ROBO2: variants seen among roughly 807,000 people sequenced by gnomAD.
ROBO2 encodes roundabout guidance receptor 2.
In ROBO2, 53 loss-of-function variants were observed where a neutral mutation model predicts 160.8. The ratio of observed to expected loss-of-function variants is 0.33; its 90% CI spans 0.26 to 0.41. The LOEUF (loss-of-function observed/expected upper bound fraction) is 0.41. ROBO2 is among the 10% of genes least tolerant of loss of function. ROBO2 has a pLI of 1.00. For missense variants in ROBO2, 1,577 were observed against 1,722.4 expected (o/e 0.92, Z 1.49); for synonymous variants, 664 against 611.7 (o/e 1.09, Z -1.26).
intron 1 of ROBO2, among the ~76,000 whole-genome samples, chr3:77,087,594 T>G (rs1010948633): frequency 6.6e-6 from 1 of 152,106 alleles, no homozygotes; most frequent in African/African-American, 2.4e-5. Flanking sequence ...GAAGAGTAAT[T>G]TGTTATTAAG....
chr3:76,449,364 A>G (rs2077359792), intron 2 of ROBO2, among the ~76,000 whole-genome samples: 1 of 152,072 alleles, frequency 6.6e-6, no homozygotes, highest in African/African-American at 2.4e-5. Flanking sequence ...GTAGAACACT[A>G]GAATAGATTT....
intron 2 of ROBO2, among the ~76,000 whole-genome samples, chr3:77,331,433 G>T (rs1485823146): frequency 6.6e-6 from 1 of 151,970 alleles, no homozygotes; most frequent in Non-Finnish European, 1.5e-5. Flanking sequence ...AATAAAGCTG[G>T]GTATTTTCTT....
At chr3:76,818,800 C>A (rs773841193) in intron 2 of ROBO2, among the ~76,000 whole-genome samples, 64 of 151,996 alleles carry the variant, frequency 4.2e-4, no homozygotes, top group Admixed American at 5.9e-4. Context: ...TTCTCTACTC[C>A]ATTCCATTGG....
In ROBO2 at chr3:76,694,632, A is replaced by G. The variant is rs1002478715; in HGVS notation, c.110-403382A>G. ...GAAAGCGTTCCTATCTTGTAAAAAAAGGGTATCTTTTAACTATTTAATTTT... is the reference window on the plus strand; with the variant it reads ...GAAAGCGTTCCTATCTTGTAAAAAAGGGGTATCTTTTAACTATTTAATTTT... On this transcript the variant is annotated intron_variant, in intron 2 of 26. Transcript: ENST00000487694. Among the ~76,000 whole-genome samples the G allele has an allele frequency of 1.3e-5, 2 of 152,208 alleles. 1 individual carries two copies. The highest frequency in any genetic ancestry group is 1.3e-4 in the Admixed American group (2 of 15,266).
At chr3:76,680,447 A>T (rs1398333109) in intron 2 of ROBO2, among the ~76,000 whole-genome samples, 1 of 150,814 alleles carries the variant, frequency 6.6e-6, no homozygotes, top group Non-Finnish European at 1.5e-5. Flanking sequence ...TTTAAAATGT[A>T]TTTTTTAACT....
chr3:76,126,476 T>G (rs1436343831), intron 2 of ROBO2, among the ~76,000 whole-genome samples: 1 of 152,110 alleles, frequency 6.6e-6, no homozygotes, highest in Non-Finnish European at 1.5e-5. Flanking sequence ...CAATAATGTA[T>G]TTTTTCTTTG....
At chr3:76,323,374 A>G (rs570196724) in intron 2 of ROBO2, among the ~76,000 whole-genome samples, 34 of 152,300 alleles carry the variant, frequency 2.2e-4, no homozygotes, top group African/African-American at 3.4e-4. Context: ...TAGGCTCATT[A>G]TAGATGTGAA....
At chr3:77,449,647 G>A (rs935964161) in intron 2 of ROBO2, among the ~76,000 whole-genome samples, 1 of 152,102 alleles carries the variant, frequency 6.6e-6, no homozygotes, top group Non-Finnish European at 1.5e-5. Context: ...GACAGAAACA[G>A]CACTGCAGTT....
intron 2 of ROBO2, among the ~76,000 whole-genome samples, chr3:77,366,856 A>G (rs2070957616): frequency 6.6e-6 from 1 of 151,504 alleles, no homozygotes; most frequent in African/African-American, 2.4e-5. Flanking sequence ...TTTAACTACT[A>G]GTTCTTTCAG....
At chr3:76,136,693 T>A (rs1436320270) in intron 2 of ROBO2, among the ~76,000 whole-genome samples, 1 of 151,940 alleles carries the variant, frequency 6.6e-6, no homozygotes, top group East Asian at 1.9e-4. Flanking sequence ...TAATAAAATA[T>A]AGACCACTAA....
intron 2 of ROBO2, among the ~76,000 whole-genome samples, chr3:76,962,979 T>C: frequency 6.6e-6 from 1 of 152,192 alleles, no homozygotes; most frequent in Non-Finnish European, 1.5e-5. Flanking sequence ...CTTTTTAATC[T>C]AGTAGGAATT....
intron 2 of ROBO2, among the ~76,000 whole-genome samples, chr3:76,626,880 C>T (rs916284907): frequency 1.3e-5 from 2 of 151,930 alleles, no homozygotes; most frequent in African/African-American, 2.4e-5. Context: ...TTAGTGGAGA[C>T]GAAGTTTCAC....
chr3:76,129,681 A>G (rs771068961), intron 2 of ROBO2, among the ~76,000 whole-genome samples: 2 of 152,138 alleles, frequency 1.3e-5, no homozygotes, highest in East Asian at 1.9e-4. Context: ...TACTTCTTTC[A>G]TGAAAGCAGA....
intron 1 of ROBO2, among the ~76,000 whole-genome samples, chr3:77,093,950 G>A (rs1356277077): frequency 6.6e-6 from 1 of 151,944 alleles, no homozygotes; most frequent in Non-Finnish European, 1.5e-5. Flanking sequence ...TGTTCACAGT[G>A]CTCTTTTATC....
chr3:76,170,293 C>G (rs1575739367), intron 2 of ROBO2, among the ~76,000 whole-genome samples: 1 of 152,028 alleles, frequency 6.6e-6, no homozygotes, highest in South Asian at 2.1e-4. Flanking sequence ...ATAGGCTTTT[C>G]CATTAATCTT....
intron 2 of ROBO2, among the ~76,000 whole-genome samples, chr3:77,473,560 TCTC>T (rs1242593846): frequency 6.9e-6 from 1 of 145,630 alleles, no homozygotes; most frequent in African/African-American, 2.6e-5. Context: ...TTCCTGCCAT[TCTC>T]CTGCCTCAGC....
intron 2 of ROBO2, among the ~76,000 whole-genome samples, chr3:76,686,281 TTG>T (rs1294313610): frequency 2.0e-5 from 3 of 152,144 alleles, no homozygotes; most frequent in Admixed American, 2.0e-4. Flanking sequence ...TAATTTTTGA[TTG>T]TATCATTTAG....
At chr3:77,153,606 G>A (rs2077720059) in intron 2 of ROBO2, among the ~76,000 whole-genome samples, 1 of 152,080 alleles carries the variant, frequency 6.6e-6, no homozygotes, top group Admixed American at 6.6e-5. Flanking sequence ...GCAATAATGA[G>A]AGGAAGCCAG....
intron 2 of ROBO2, among the ~76,000 whole-genome samples, chr3:76,215,425 G>A (rs1366300085): frequency 2.0e-5 from 3 of 152,068 alleles, no homozygotes; most frequent in East Asian, 3.9e-4. Flanking sequence ...AAAATTAGAC[G>A]AATGGCTAAC....
Sources: allele counts gnomAD v4.1 joint callset (sites outside exome capture counted in the v4.1 genomes callset), GRCh38; gene constraint gnomAD v4.1.1; transcripts MANE v1.5; gene names NCBI Gene and HGNC (gene_info 2026-07-23, HGNC 2026-07-21).